NECTIN3: variants seen among roughly 807,000 people sequenced by gnomAD.
The protein encoded by NECTIN3 is nectin cell adhesion molecule 3.
A neutral mutation model predicts 49.4 loss-of-function variants in NECTIN3; 8 were observed. The ratio of observed to expected loss-of-function variants is 0.16; its 90% CI spans 0.10 to 0.29. NECTIN3 has a LOEUF of 0.29. Among genes scored for constraint, NECTIN3 ranks in the 10% least tolerant of loss-of-function variants. The pLI, the probability that NECTIN3 is intolerant of heterozygous loss-of-function variation, is 1.00. For missense variants in NECTIN3, 581 were observed against 654.6 expected, an observed-to-expected ratio of 0.89 and a Z score of 1.23; for synonymous variants, 277 against 241.1, an observed-to-expected ratio of 1.15 and a Z score of -1.38.
At chr3:111,189,053 C>CT (rs1233832574), upstream of NECTIN3, among the ~76,000 whole-genome samples, 10 of 151,938 alleles carry the variant, frequency 6.6e-5, no homozygotes, top group East Asian at 1.9e-4. Flanking sequence ...ATTTCTTTTC[C>CT]TTTTTTTTAA....
chr3:111,164,796 A>G (rs1348239632), intron 7 of NECTIN3, among the ~76,000 whole-genome samples: 1 of 152,196 alleles, frequency 6.6e-6, no homozygotes, highest in Admixed American at 6.5e-5. Context: ...GACATTGGCA[A>G]AAATTCCCTG....
chr3:111,138,445 A>G (rs1479214324), downstream of NECTIN3, among the ~76,000 whole-genome samples: 2 of 151,520 alleles, frequency 1.3e-5, no homozygotes, highest in East Asian at 3.9e-4. Context: ...TTTCTGTTAT[A>G]GTCCAGTCAT....
In NECTIN3 at chr3:111,134,892, A is replaced by G; in HGVS notation, c.*677A>G. 1.0e-6 allele frequency: 1 copy of G among 983,942 alleles called. No homozygotes were observed. The highest frequency in any genetic ancestry group is 1.2e-6 in the Non-Finnish European group (1 of 828,692). 61.0% of individuals were successfully genotyped at this position (983,942 alleles called of 1,614,324 possible). A position where few individuals can be genotyped will look rare whatever the true frequency, so the allele number is the denominator to read the frequency against. On this transcript the variant is annotated 3_prime_UTR_variant, in exon 6 of 6. Transcript: ENST00000485303. ...ACTCAGTGAACATGATGTGTGGAAG[A>G]GCATAATTAGCTGGTCAATATTTTT...
chr3:111,193,409 C>T (rs1350404634), intron 1 of NECTIN3: 1 of 1,519,734 alleles, frequency 6.6e-7, no homozygotes, highest in East Asian at 2.5e-5. Flanking sequence ...GGCGTTCTAA[C>T]AAATGTTTAT....
chr3:111,085,496 A>G (rs1372575009), intron 1 of NECTIN3, among the ~76,000 whole-genome samples: 1 of 152,208 alleles, frequency 6.6e-6, no homozygotes, highest in Non-Finnish European at 1.5e-5. Flanking sequence ...ATGTGAGGAT[A>G]TTCCTGAAAC....
intron 7 of NECTIN3, among the ~76,000 whole-genome samples, chr3:111,183,584 G>T (rs1202224007): frequency 1.3e-5 from 2 of 152,054 alleles, no homozygotes; most frequent in Admixed American, 6.5e-5. Context: ...AAAGTGCTGG[G>T]ATTACAGGCG....
chr3:111,135,279 C>T lies in NECTIN3; in HGVS notation c.*1064C>T, dbSNP rs1468379699. ...GAAAAAACTAGATTATAGAATTAGT[C>T]GGTAACACTTGCTAATGGACATTGG... On this transcript the variant is annotated 3_prime_UTR_variant, in exon 6 of 6. Coordinates refer to ENST00000485303, the MANE Select transcript of NECTIN3 (RefSeq NM_015480.3). 1.5e-5 allele frequency: 14 copies of T among 964,722 alleles called. No individual in the cohort carries two copies. The South Asian group carries it at 2.4e-4, about 17-fold the overall frequency. The allele number at this position is 964,722 out of a possible 1,614,324, so 59.8% of individuals were successfully genotyped here. A position where few individuals can be genotyped will look rare whatever the true frequency, so the allele number is the denominator to read the frequency against.
intron 7 of NECTIN3, among the ~76,000 whole-genome samples, chr3:111,185,172 G>A (rs752947748): frequency 6.6e-6 from 1 of 152,116 alleles, no homozygotes; most frequent in Non-Finnish European, 1.5e-5. Flanking sequence ...TCAGGACCCT[G>A]TTCCACAGAT....
intron 7 of NECTIN3, among the ~76,000 whole-genome samples, chr3:111,178,295 G>T (rs2107530624): frequency 6.6e-6 from 1 of 152,266 alleles, no homozygotes; most frequent in Non-Finnish European, 1.5e-5. Context: ...AGTTAGCCAT[G>T]AGGACTTTCT....
chr3:111,127,465 C>CTTT (rs35153084), intron 5 of NECTIN3, among the ~76,000 whole-genome samples: 6 of 101,134 alleles, frequency 5.9e-5, no homozygotes, highest in South Asian at 3.3e-4. Flanking sequence ...TGCAAACTTT[C>CTTT]TTTTTTTTTT....
chr3:111,169,229 A>G (rs1432727650), intron 7 of NECTIN3, among the ~76,000 whole-genome samples: 2 of 151,440 alleles, frequency 1.3e-5, no homozygotes, highest in South Asian at 2.1e-4. Context: ...AGCTGGGACT[A>G]CAGGCGCCTG....
At chr3:111,165,746 T>C (rs2035306936) in intron 7 of NECTIN3, among the ~76,000 whole-genome samples, 1 of 152,204 alleles carries the variant, frequency 6.6e-6, no homozygotes, top group Non-Finnish European at 1.5e-5. Context: ...CTTATATTAG[T>C]TGCACAATGG....
At chr3:111,089,826 T>C (rs2032154199) in intron 1 of NECTIN3, among the ~76,000 whole-genome samples, 1 of 152,138 alleles carries the variant, frequency 6.6e-6, no homozygotes, top group African/African-American at 2.4e-5. Flanking sequence ...GATTTTTTTT[T>C]GCTTCTGTTA....
At chr3:111,077,565 G>A (rs1174503199) in intron 1 of NECTIN3, among the ~76,000 whole-genome samples, 3 of 150,756 alleles carry the variant, frequency 2.0e-5, no homozygotes, top group Non-Finnish European at 4.4e-5. Context: ...TTGAAGCAAT[G>A]TGGCCGGGCC....
upstream of NECTIN3, among the ~76,000 whole-genome samples, chr3:111,191,527 C>T (rs1311100636): frequency 2.7e-5 from 4 of 150,202 alleles, no homozygotes; most frequent in Non-Finnish European, 5.9e-5. Context: ...GTTTGTAAGC[C>T]GAGGAAAACT....
chr3:111,187,201 G>A lies in NECTIN3; in HGVS notation c.1222-5150G>A, dbSNP rs531269471. Among the ~76,000 whole-genome samples, 24 of 152,156 alleles carry A rather than the reference G, an allele frequency of 1.6e-4. No individual in the cohort carries two copies. The South Asian group carries it at 3.7e-3, about 24-fold the overall frequency. ...TCATTTGACACCAGGAATTTGAGAC[G>A]AGCCTGGGAAATATAGCAATACCCT... On this transcript the variant is annotated intron_variant, in intron 7 of 8. Coordinates refer to the NECTIN3 transcript ENST00000493615.
At position 111,136,116 on chromosome 3, in the gene NECTIN3, C is replaced by T. The variant is rs2034566520; in HGVS notation, c.*1901C>T. On this transcript the variant is annotated 3_prime_UTR_variant, in exon 6 of 6. Transcript: ENST00000485303. ...GAAGAAAGATGGGTCTAAAATTTCT[C>T]CCCATGAAAGATGTAAAACTATGGC... 4.1e-6 allele frequency: 4 copies of T among 983,610 alleles called. No homozygotes were observed. The highest frequency in any genetic ancestry group is 4.8e-6 in the Non-Finnish European group (4 of 828,596). 60.9% of individuals were successfully genotyped at this position (983,610 alleles called of 1,614,324 possible). A position where few individuals can be genotyped will look rare whatever the true frequency, so the allele number is the denominator to read the frequency against.
intron 5 of NECTIN3, among the ~76,000 whole-genome samples, chr3:111,129,039 T>C (rs1670369361): frequency 6.6e-6 from 1 of 152,188 alleles, no homozygotes; most frequent in Admixed American, 6.5e-5. Flanking sequence ...TATGTTTTGC[T>C]CATTGGCTGA....
intron 7 of NECTIN3, among the ~76,000 whole-genome samples, chr3:111,181,766 T>C (rs188712218): frequency 6.6e-6 from 1 of 152,226 alleles, no homozygotes; most frequent in East Asian, 1.9e-4. Context: ...TTGTGTTTTC[T>C]CTTTTTCTTG....
Sources: gnomAD v4.1 joint callset for allele counts (sites outside exome capture counted in the v4.1 genomes callset) on GRCh38, gnomAD v4.1.1 for gene constraint, MANE v1.5 for transcripts, NCBI Gene and HGNC (gene_info 2026-07-23, HGNC 2026-07-21) for gene names.